The following NCOR1 variants were observed in gnomAD, a reference collection of about 807,000 sequenced individuals.
The protein encoded by NCOR1 is nuclear receptor corepressor 1, also known as protein phosphatase 1, regulatory subunit 109.
A neutral mutation model predicts 288.1 loss-of-function variants in NCOR1; 63 were observed. The observed-to-expected ratio is 0.22, with a 90% confidence interval of 0.18 to 0.27. NCOR1 has a LOEUF of 0.27. Among genes scored for constraint, NCOR1 ranks in the 10% least tolerant of loss-of-function variants. NCOR1 has a pLI of 1.00. For synonymous variants in NCOR1, 1,007 were observed against 1,065.9 expected (o/e 0.94, Z 1.08); for missense variants, 2,397 against 3,019.2 (o/e 0.79, Z 4.83).
intron 34 of NCOR1, 52 bp from the exon 35 acceptor site, chr17:16,064,239 A>G (rs752552682): frequency 1.9e-6 from 3 of 1,554,502 alleles, no homozygotes; most frequent in South Asian, 1.2e-5. Context: ...CTGACTGAGT[A>G]TATCAAACAA....
In NCOR1 at chr17:16,108,918, G is replaced by C; in HGVS notation, c.2056-6C>G. 6.4e-7 allele frequency: 1 copy of C among 1,554,454 alleles called. No individual in the cohort carries two copies. Among genetic ancestry groups the C allele is most frequent in the East Asian group, 2.3e-5 (1 of 43,842 alleles). ...TCACGAGGTTTTCGTGAAGTCTAAAGGAGGAAAGAGTATTATTTGATTTAA... is the reference window on the plus strand; with the variant it reads ...TCACGAGGTTTTCGTGAAGTCTAAACGAGGAAAGAGTATTATTTGATTTAA... On this transcript the variant is annotated splice_polypyrimidine_tract_variant and splice_region_variant and intron_variant, in intron 18 of 45. Transcript: ENST00000268712.
chr17:16,116,797 A>G (rs756327652), intron 18 of NCOR1, among the ~76,000 whole-genome samples: 1 of 152,236 alleles, frequency 6.6e-6, no homozygotes, highest in Non-Finnish European at 1.5e-5. Context: ...AATAAAATTA[A>G]CTTTTACTGC....
intron 42 of NCOR1, chr17:16,044,961 A>G: frequency 1.8e-6 from 1 of 570,510 alleles, no homozygotes; most frequent in Non-Finnish European, 3.1e-6. Flanking sequence ...GTTTTGACTA[A>G]ATTTCTTATA....
At chr17:16,129,540 A>G (rs2075283659) in intron 14 of NCOR1, among the ~76,000 whole-genome samples, 1 of 152,194 alleles carries the variant, frequency 6.6e-6, no homozygotes, top group Non-Finnish European at 1.5e-5. Context: ...TTAAACTTTC[A>G]AACCATGAGT....
At chr17:16,064,643 A>C (rs1367953148) in intron 34 of NCOR1, among the ~76,000 whole-genome samples, 1 of 152,086 alleles carries the variant, frequency 6.6e-6, no homozygotes, top group Non-Finnish European at 1.5e-5. Context: ...GAGAAAAAGA[A>C]GTTTGTTTTA....
chr17:16,034,646 T>A (rs1973746641), intron 45 of NCOR1, 119 bp downstream of exon 45: 1 of 904,422 alleles, frequency 1.1e-6, no homozygotes, highest in Admixed American at 2.4e-5. Flanking sequence ...ATATTAATGA[T>A]ACAGAAATGG....
intron 40 of NCOR1, among the ~76,000 whole-genome samples, chr17:16,055,997 T>G (rs1281449872): frequency 6.6e-6 from 1 of 152,190 alleles, no homozygotes; most frequent in African/African-American, 2.4e-5. Flanking sequence ...TTACCAAAAT[T>G]GGGTGATGGA....
chr17:16,123,218 A>T (rs1302090735), intron 15 of NCOR1, among the ~76,000 whole-genome samples: 14 of 152,182 alleles, frequency 9.2e-5, no homozygotes, highest in Non-Finnish European at 1.5e-4. Flanking sequence ...CATGTTCATC[A>T]TCATTCAGGT....
intron 42 of NCOR1, among the ~76,000 whole-genome samples, chr17:16,042,861 T>C (rs930524701): frequency 6.6e-5 from 10 of 152,216 alleles, no homozygotes; most frequent in South Asian, 4.1e-4. Flanking sequence ...TGCAAAGATA[T>C]GTAAGTAGAG....
At chr17:16,120,163 T>C (rs116140555) in intron 16 of NCOR1, among the ~76,000 whole-genome samples, 1,691 of 152,210 alleles carry the variant, frequency 0.011, 37 homozygotes, top group African/African-American at 0.038. Context: ...TCACATCCAA[T>C]GACATGCATC....
intron 25 of NCOR1, 134 bp downstream of exon 25, chr17:16,080,274 A>T: frequency 1.1e-6 from 1 of 905,256 alleles, no homozygotes; most frequent in Non-Finnish European, 1.6e-6. Flanking sequence ...AATGACTTTT[A>T]CATGGAAAGA....
At chr17:16,094,658 C>G (rs766657963) in intron 21 of NCOR1, among the ~76,000 whole-genome samples, 2 of 152,156 alleles carry the variant, frequency 1.3e-5, no homozygotes. Flanking sequence ...TCACTGCAAC[C>G]TCCCTGCCTG....
At chr17:16,094,000 C>T (rs111681635) in intron 21 of NCOR1, among the ~76,000 whole-genome samples, 3 of 152,074 alleles carry the variant, frequency 2.0e-5, no homozygotes, top group African/African-American at 7.2e-5. Flanking sequence ...CTCAAACTCT[C>T]GAGCTCAAGG....
rs2067000856 is a variant in NCOR1, at chr17:16,098,287, C to T, written c.2820+80G>A. 4.3e-6 allele frequency: 6 copies of T among 1,383,514 alleles called. No individual in the cohort carries two copies. In the Admixed American group the frequency reaches 1.3e-4, roughly 29 times the overall value. The allele number at this position is 1,383,514 out of a possible 1,614,324, so 85.7% of individuals were successfully genotyped here. On this transcript the variant is annotated intron_variant, in intron 21 of 45. Transcript: ENST00000268712. ...TACCACTATTTTTTTAATCAAGAAC[C>T]AATTAAAGAACAGAAGAAATATGTC...
At chr17:16,127,948 C>G (rs1212050324) in intron 14 of NCOR1, among the ~76,000 whole-genome samples, 1 of 151,908 alleles carries the variant, frequency 6.6e-6, no homozygotes, top group East Asian at 1.9e-4. Flanking sequence ...AACTCCCAGG[C>G]TCATGCAATC....
intron 23 of NCOR1, among the ~76,000 whole-genome samples, chr17:16,083,074 T>C (rs1462732859): frequency 2.0e-5 from 3 of 151,920 alleles, no homozygotes; most frequent in African/African-American, 4.8e-5. Context: ...CTACTAAAAA[T>C]ACAAAAAGAT....
At chr17:16,206,327 T>C (rs945850948) in intron 1 of NCOR1, among the ~76,000 whole-genome samples, 11 of 150,442 alleles carry the variant, frequency 7.3e-5, no homozygotes, top group African/African-American at 2.7e-4. Flanking sequence ...TACAGCTTTG[T>C]TTTTCTGGCC....
chr17:16,094,514 TGA>T (rs1220470754), intron 21 of NCOR1, among the ~76,000 whole-genome samples: 2 of 151,976 alleles, frequency 1.3e-5, no homozygotes, highest in African/African-American at 2.4e-5. Flanking sequence ...AAAGAAAAAT[TGA>T]GAGTGTTGGA....
chr17:16,058,667 C>T lies in NCOR1; in HGVS notation c.5882-68G>A, dbSNP rs904724559. On this transcript the variant is annotated intron_variant, in intron 37 of 45. Transcript: ENST00000268712. ...AAGTTTCTGAAGTCTAAGTTCTTCA[C>T]ACCTGTAGCATTTTTTCAATTCTGA... The T allele has an allele frequency of 6.9e-6, 10 of 1,446,698 alleles. No homozygotes were observed. In the African/African-American group the frequency reaches 1.3e-4, roughly 18 times the overall value. The allele number at this position is 1,446,698 out of a possible 1,614,324, so 89.6% of individuals were successfully genotyped here. A position where few individuals can be genotyped will look rare whatever the true frequency, so the allele number is the denominator to read the frequency against.
Sources: gnomAD v4.1 joint callset for allele counts (sites outside exome capture counted in the v4.1 genomes callset) on GRCh38, gnomAD v4.1.1 for gene constraint, MANE v1.5 for transcripts, NCBI Gene and HGNC (gene_info 2026-07-23, HGNC 2026-07-21) for gene names.